EDRF1: variants seen among roughly 807,000 people sequenced by gnomAD.
EDRF1 encodes the protein erythroid differentiation-related factor 1.
In EDRF1, 69 loss-of-function variants were observed where a neutral mutation model predicts 148.7. That is an observed-to-expected ratio of 0.46 (90% CI 0.38 to 0.57). The LOEUF (loss-of-function observed/expected upper bound fraction) is 0.57. Ranked by LOEUF, EDRF1 falls within the 20% of genes least tolerant of loss-of-function variation. The pLI is 0.00. For synonymous variants in EDRF1, 515 were observed against 532.8 expected (o/e 0.97, Z 0.46); for missense variants, 1,118 against 1,478.7 (o/e 0.76, Z 4.00).
chr10:125,733,698 A>G lies in EDRF1; in HGVS notation c.1340A>G (p.Lys447Arg), dbSNP rs1258883539. The change falls in exon 11 of 25, where the codon AAA (lysine) becomes AGA (arginine). Residue 447 changes from lysine to arginine, a missense_variant. Lys to Arg is a conservative substitution (Grantham distance 26). Coordinates refer to ENST00000356792, the MANE Select transcript of EDRF1 (RefSeq NM_001202438.2). ...ACTCTTTGTGAAGAAACTGAAGACA[A>G]ATACCAAAATCCATTCACAATGCCG... is the stretch of plus-strand genomic sequence containing the variant. ...LTTLCEETEDKYQNPFTMPVA... is the reference protein window; with the variant it reads ...LTTLCEETEDRYQNPFTMPVA... 1 of 1,613,614 alleles carries G rather than the reference A, an allele frequency of 6.2e-7. No individual in the cohort carries two copies. Among genetic ancestry groups the G allele is most frequent in the African/African-American group, 1.3e-5 (1 of 75,024 alleles).
Position 125,745,151 on chromosome 10 carries a change from G to C in EDRF1, c.2591-556G>C, listed in dbSNP as rs189578236. The C allele has an allele frequency of 1.5e-3, 257 of 166,542 alleles. 1 individual carries two copies. Among genetic ancestry groups the C allele is most frequent in the African/African-American group, 6.0e-3 (249 of 41,744 alleles). 10.3% of individuals were successfully genotyped at this position (166,542 alleles called of 1,614,324 possible). ...TGGGTGAGGCAGAGCAGGATGGTGA[G>C]AGACTTCATCAAGCTATGTTAGTGA... On this transcript the variant is annotated intron_variant, in intron 18 of 24. Transcript: ENST00000356792.
Position 125,733,544 on chromosome 10 carries a change from C to T in EDRF1, c.1269C>T (p.Leu423=), listed in dbSNP as rs1848574679. The stretch of plus-strand genomic sequence containing the variant: ...CCAAAGAAGGACATACCTATTGGCT[C>T]TTTAAAGGTAAGCTATTAATACTTC... ...NCTKEGHTYW[L]FKASGSDIVK... is the part of the protein sequence containing the mutation. Residue 423 remains leucine, a synonymous_variant, in exon 10 of 25, where the codon CTC becomes CTT. Transcript: ENST00000356792. The T allele has an allele frequency of 5.0e-6, 8 of 1,603,298 alleles. No individual in the cohort carries two copies. Among genetic ancestry groups the T allele is most frequent in the Non-Finnish European group, 6.8e-6 (8 of 1,170,500 alleles).
At chr10:125,748,988 ATGCCTG>A in intron 21 of EDRF1, 2 of 249,420 alleles carry the variant, frequency 8.0e-6, no homozygotes, top group Admixed American at 1.0e-4. Flanking sequence ...TCTCCAGTTC[ATGCCTG>A]TAATCCCAGC....
At chr10:125,729,187 A>G in intron 7 of EDRF1, 83 bp downstream of exon 7, 1 of 1,465,574 alleles carries the variant, frequency 6.8e-7, no homozygotes, top group Non-Finnish European at 9.2e-7. Context: ...CGAAATTGAT[A>G]GGGAAAAACT....
intron 13 of EDRF1, among the ~76,000 whole-genome samples, chr10:125,737,204 GT>G (rs1190426424): frequency 6.6e-6 from 1 of 152,150 alleles, no homozygotes; most frequent in Non-Finnish European, 1.5e-5. Flanking sequence ...GGGCAATTAG[GT>G]AATAATTAAA....
intron 17 of EDRF1, chr10:125,742,172 C>A: frequency 8.2e-7 from 1 of 1,225,536 alleles, no homozygotes; most frequent in Non-Finnish European, 1.1e-6. Context: ...AAAGTTAGTT[C>A]ATAGCCACCT....
chr10:125,743,014 G>A, intron 17 of EDRF1, 44 bp from the exon 18 acceptor site: 1 of 1,604,796 alleles, frequency 6.2e-7, no homozygotes, highest in East Asian at 2.2e-5. Flanking sequence ...TGAGGAAGAA[G>A]GAATCACATG....
chr10:125,727,701 C>CCTA (rs1282731241), intron 6 of EDRF1, among the ~76,000 whole-genome samples: 10 of 152,192 alleles, frequency 6.6e-5, no homozygotes, highest in Non-Finnish European at 1.2e-4. Flanking sequence ...AGGTGCCAAG[C>CCTA]CTACTGGCAC....
chr10:125,727,669 T>TA (rs1848319979), intron 6 of EDRF1, among the ~76,000 whole-genome samples: 1 of 152,216 alleles, frequency 6.6e-6, no homozygotes, highest in South Asian at 2.1e-4. Context: ...CCTGTGCTTA[T>TA]AGTCACACAC....
chr10:125,740,486 T>A lies in EDRF1; in HGVS notation c.2005T>A (p.Tyr669Asn). ...AGTGGGCTCCCTTCAGAAGGGCAAT[T>A]ATTCCAGTCAATCTGGAATGATCCC... ...DKMGSLQKGN[Y>N]SSQSGMIPGS... The change falls in exon 16 of 25, where the codon TAT becomes AAT. Residue 669 changes from tyrosine to asparagine, a missense_variant. Tyr to Asn is a moderately radical substitution (Grantham distance 143). This residue lies in a region of EDRF1 where 954 missense variants were observed against 1,241.4 expected (regional missense o/e 0.77). Transcript: ENST00000356792. 6.2e-7 allele frequency: 1 copy of A among 1,614,158 alleles called. No homozygotes were observed. The highest frequency in any genetic ancestry group is 8.5e-7 in the Non-Finnish European group (1 of 1,180,020).
Position 125,733,443 on chromosome 10 carries a change from G to A in EDRF1, c.1168G>A (p.Glu390Lys). 6.3e-7 allele frequency: 1 copy of A among 1,591,742 alleles called. No homozygotes were observed. The highest frequency in any genetic ancestry group is 8.6e-7 in the Non-Finnish European group (1 of 1,162,942). The stretch of plus-strand genomic sequence containing the variant: ...AAAGACAGAAGAAATTCCCAATTTG[G>A]AAAATTCTAATTTTTCTACTAAAGT... ...MIKTEEIPNLENSNFSTKVIK... is the reference protein window; with the variant it reads ...MIKTEEIPNLKNSNFSTKVIK... The change falls in exon 10 of 25, where the codon GAA becomes AAA. Residue 390 changes from glutamate to lysine, a missense_variant. Physicochemically the swap from Glu to Lys is moderately conservative, Grantham distance 56. Coordinates refer to ENST00000356792, the MANE Select transcript of EDRF1 (RefSeq NM_001202438.2).
intron 12 of EDRF1, 56 bp downstream of exon 12, chr10:125,734,239 T>C (rs1848623258): frequency 1.5e-6 from 2 of 1,336,476 alleles, no homozygotes; most frequent in Non-Finnish European, 2.2e-6. Flanking sequence ...AATAGGAGAT[T>C]GTTACCTAGA....
Position 125,763,966 on chromosome 10 carries a change from A to C in EDRF1, c.*494A>C, listed in dbSNP as rs1339975749. ...CATAAGCTTCAGTGCAGGATTTTTC[A>C]AAGACGAGCTGTTGTGCAATTTGCT... On this transcript the variant is annotated 3_prime_UTR_variant, in exon 25 of 25. Transcript: ENST00000356792. This position sits in a 1 kb window ranked among gnomAD's most constrained non-coding sequence, Gnocchi z 4.3. 1 of 166,712 alleles carries C rather than the reference A, an allele frequency of 6.0e-6. No individual in the cohort carries two copies. The highest frequency in any genetic ancestry group is 2.4e-5 in the African/African-American group (1 of 41,608). 10.3% of individuals were successfully genotyped at this position (166,712 alleles called of 1,614,324 possible).
At chr10:125,724,493 A>G (rs1422967102) in intron 4 of EDRF1, among the ~76,000 whole-genome samples, 1 of 152,208 alleles carries the variant, frequency 6.6e-6, no homozygotes, top group African/African-American at 2.4e-5. Context: ...AATAGGCTAT[A>G]CCGTATGACC....
In EDRF1 at chr10:125,763,551, T is replaced by C. The variant is rs1850281972; in HGVS notation, c.*79T>C. 1 of 1,432,610 alleles carries C rather than the reference T, an allele frequency of 7.0e-7. No homozygotes were observed. Among genetic ancestry groups the C allele is most frequent in the African/African-American group, 1.4e-5 (1 of 70,916 alleles). 88.7% of individuals were successfully genotyped at this position (1,432,610 alleles called of 1,614,324 possible). A position where few individuals can be genotyped will look rare whatever the true frequency, so the allele number is the denominator to read the frequency against. ...TTTGTTCATTCGGTGCTTTGTTTCA[T>C]TAAATAATAGGGAAATATCCATTTA... On this transcript the variant is annotated 3_prime_UTR_variant, in exon 25 of 25. Transcript: ENST00000356792. The surrounding 1 kb of genome is among the most constrained non-coding windows in gnomAD (Gnocchi z 4.3).
intron 24 of EDRF1, among the ~76,000 whole-genome samples, chr10:125,757,427 A>G (rs918611760): frequency 6.6e-6 from 1 of 152,192 alleles, no homozygotes; most frequent in Non-Finnish European, 1.5e-5. Flanking sequence ...TTTTACTTGT[A>G]CATATGTTAT....
intron 24 of EDRF1, among the ~76,000 whole-genome samples, chr10:125,760,138 T>TA (rs2133770507): frequency 6.6e-6 from 1 of 152,400 alleles, no homozygotes; most frequent in African/African-American, 2.4e-5. Context: ...GCGGAGCAGA[T>TA]ACTGCATATG....
chr10:125,736,473 C>T (rs534604416), intron 13 of EDRF1, among the ~76,000 whole-genome samples: 3 of 152,256 alleles, frequency 2.0e-5, no homozygotes, highest in Non-Finnish European at 4.4e-5. Flanking sequence ...ATATACCTTT[C>T]AACATACCGT....
Position 125,720,916 on chromosome 10 carries a change from G to C in EDRF1, c.109-288G>C, listed in dbSNP as rs114555908. Among the ~76,000 whole-genome samples the C allele has an allele frequency of 2.3e-3, 356 of 152,060 alleles. 1 individual carries two copies. Among genetic ancestry groups the C allele is most frequent in the African/African-American group, 8.3e-3 (346 of 41,482 alleles). ...ATACCATTGAGTCTCCTTGGTTTCT[G>C]CTTCTCCACTTTACATGAATACATT... On this transcript the variant is annotated intron_variant, in intron 1 of 24. Transcript: ENST00000356792.
Sources: gnomAD v4.1 joint callset for allele counts (sites outside exome capture counted in the v4.1 genomes callset) on GRCh38, gnomAD v4.1.1 for gene constraint, gnomAD v4.1.1 regional missense constraint, Gnocchi (gnomAD v3.1) non-coding constraint, MANE v1.5 for transcripts, NCBI Gene and HGNC (gene_info 2026-07-23, HGNC 2026-07-21) for gene names.